The following CNTLN variants were observed in gnomAD, a reference collection of about 807,000 sequenced individuals.
CNTLN encodes centlein.
Under a neutral mutation model 180.0 loss-of-function variants are expected in CNTLN, and 212 were observed. The observed-to-expected ratio is 1.18, with a 90% confidence interval of 1.05 to 1.32. The LOEUF (loss-of-function observed/expected upper bound fraction) is 1.32, where lower values mean the gene tolerates loss of function less well. CNTLN is among the 40% of genes most tolerant of loss of function. The pLI is 0.00. For synonymous variants in CNTLN, 722 were observed against 563.1 expected (o/e 1.28, Z -3.99); for missense variants, 2,095 against 1,610.9 (o/e 1.30, Z -5.14).
At chr9:17,217,897 G>C (rs1045891170) in intron 2 of CNTLN, among the ~76,000 whole-genome samples, 8 of 152,096 alleles carry the variant, frequency 5.3e-5, no homozygotes, top group Non-Finnish European at 8.8e-5. Flanking sequence ...TTTAGAAATG[G>C]TGTTGAATGA....
chr9:17,349,927 C>G (rs1281381154), intron 12 of CNTLN, among the ~76,000 whole-genome samples: 1 of 152,154 alleles, frequency 6.6e-6, no homozygotes, highest in Non-Finnish European at 1.5e-5. Context: ...ATAGGGGTAT[C>G]TGCCATTTGC....
intron 2 of CNTLN, among the ~76,000 whole-genome samples, chr9:17,150,900 C>T: frequency 6.6e-6 from 1 of 152,114 alleles, no homozygotes; most frequent in East Asian, 1.9e-4. Context: ...GTATTTTATT[C>T]TCTTAGTAGC....
intron 5 of CNTLN, among the ~76,000 whole-genome samples, chr9:17,267,586 A>C (rs1190836653): frequency 6.7e-6 from 1 of 149,574 alleles, no homozygotes; most frequent in East Asian, 1.9e-4. Context: ...ATGTTGGCCA[A>C]ACTTGCTAGA....
intron 23 of CNTLN, among the ~76,000 whole-genome samples, chr9:17,476,260 C>A (rs1384756324): frequency 6.6e-6 from 1 of 152,172 alleles, no homozygotes; most frequent in Non-Finnish European, 1.5e-5. Flanking sequence ...TTCCGCCCAA[C>A]TGTCTTTTCC....
rs527695795 is a variant in CNTLN at position 17,433,749 on chromosome 9, T to A, written c.3114+17560T>A. On this transcript the variant is annotated intron_variant, in intron 18 of 25. Transcript: ENST00000380647. ...TGTGTGTCACCATGCCCAACTATTT[T>A]AAAAAATTTTTTGTAGAGATGGGAT... Among the ~76,000 whole-genome samples, 15 of 152,238 alleles carry A rather than the reference T, an allele frequency of 9.9e-5. No homozygotes were observed. In the East Asian group the frequency reaches 1.7e-3, roughly 18 times the overall value.
chr9:17,173,841 A>T (rs1247293729), intron 2 of CNTLN, among the ~76,000 whole-genome samples: 1 of 152,218 alleles, frequency 6.6e-6, no homozygotes, highest in Non-Finnish European at 1.5e-5. Flanking sequence ...GAGATTTGGC[A>T]TATGCTTGAA....
intron 6 of CNTLN, among the ~76,000 whole-genome samples, 182 bp downstream of exon 6, chr9:17,274,048 G>GT (rs1828127159): frequency 6.6e-6 from 1 of 152,104 alleles, no homozygotes; most frequent in Admixed American, 6.5e-5. Flanking sequence ...GGAAGAATGA[G>GT]TGGGTCTACA....
At chr9:17,261,535 C>T (rs1348898242) in intron 5 of CNTLN, among the ~76,000 whole-genome samples, 1 of 151,370 alleles carries the variant, frequency 6.6e-6, no homozygotes, top group African/African-American at 2.4e-5. Flanking sequence ...TATCCTGAAA[C>T]TTTACTGAAA....
chr9:17,251,901 C>T (rs1176816620), intron 5 of CNTLN, among the ~76,000 whole-genome samples: 1 of 151,744 alleles, frequency 6.6e-6, no homozygotes, highest in Non-Finnish European at 1.5e-5. Flanking sequence ...TCCCACTTTC[C>T]CTTCCTAGTA....
Position 17,463,014 on chromosome 9 carries a change from G to GATATCTCGAATGGAGAGGGATA in CNTLN, c.3404+1_3404+2insATATCTCGAATGGAGAGGGATA. 6.4e-7 allele frequency: 1 copy of GATATCTCGAATGGAGAGGGATA among 1,557,576 alleles called. No individual in the cohort carries two copies. Among genetic ancestry groups the GATATCTCGAATGGAGAGGGATA allele is most frequent in the Non-Finnish European group, 8.7e-7 (1 of 1,148,780 alleles). The stretch of plus-strand genomic sequence containing the variant: ...AACACATAAAGGAAATGCATGAAAA[G>GATATCTCGAATGGAGAGGGATA]TATGGTTTTTGTATTTCTATCCATT... On this transcript the variant is annotated splice_donor_variant, in intron 20 of 25. Transcript: ENST00000380647. LOFTEE classifies it high-confidence loss of function.
At chr9:17,226,333 G>A in intron 3 of CNTLN, 46 bp downstream of exon 3, 1 of 1,040,038 alleles carries the variant, frequency 9.6e-7, no homozygotes, top group Non-Finnish European at 1.4e-6. Flanking sequence ...ATTTGTTTTG[G>A]GTAGTAGATC....
chr9:17,429,559 G>C (rs1829290965), intron 18 of CNTLN, among the ~76,000 whole-genome samples: 1 of 151,938 alleles, frequency 6.6e-6, no homozygotes, highest in Admixed American at 6.5e-5. Flanking sequence ...CTTTAAATTT[G>C]CAAAGAATTT....
In CNTLN at chr9:17,271,074, C is replaced by T. The variant is rs182577627; in HGVS notation, c.850-2659C>T. On this transcript the variant is annotated intron_variant, in intron 5 of 25. Coordinates refer to ENST00000380647, the MANE Select transcript of CNTLN (RefSeq NM_017738.4). ...CACACCATTCTCCTGCCTCAGCCTC[C>T]GGAGTAGCTGGGACTACAGGCACCC... Among the ~76,000 whole-genome samples, 271 of 151,612 alleles carry T rather than the reference C, an allele frequency of 1.8e-3. 5 individuals carry two copies. The East Asian group carries it at 0.041, about 23-fold the overall frequency.
chr9:17,458,507 G>A (rs909303332), intron 19 of CNTLN, among the ~76,000 whole-genome samples: 2 of 151,984 alleles, frequency 1.3e-5, no homozygotes, highest in Non-Finnish European at 2.9e-5. Context: ...AATGCACAGA[G>A]TACATTAGAA....
intron 23 of CNTLN, among the ~76,000 whole-genome samples, chr9:17,475,166 T>C (rs1262979688): frequency 6.6e-6 from 1 of 152,168 alleles, no homozygotes; most frequent in African/African-American, 2.4e-5. Context: ...ACTTGAGGTC[T>C]CTTTGCCCTG....
intron 2 of CNTLN, among the ~76,000 whole-genome samples, chr9:17,200,415 A>G (rs1243024317): frequency 6.6e-6 from 1 of 152,108 alleles, no homozygotes; most frequent in Non-Finnish European, 1.5e-5. Context: ...GAATCTGTAA[A>G]TTACTTTGGG....
chr9:17,321,589 T>A lies in CNTLN; in HGVS notation c.1342-9043T>A, dbSNP rs149183629. On this transcript the variant is annotated intron_variant, in intron 8 of 25. Coordinates refer to ENST00000380647, the MANE Select transcript of CNTLN (RefSeq NM_017738.4). ...ATCTAATTGTGACGTGGAGAAAAAA[T>A]GTCAGTAGTAGTTAGCTTTATTTTC... is the stretch of plus-strand genomic sequence containing the variant. Among the ~76,000 whole-genome samples, 18 of 152,222 alleles carry A rather than the reference T, an allele frequency of 1.2e-4. No homozygotes were observed. The East Asian group carries it at 2.7e-3, about 23-fold the overall frequency.
intron 18 of CNTLN, among the ~76,000 whole-genome samples, chr9:17,444,032 A>G (rs572276449): frequency 6.6e-6 from 1 of 152,344 alleles, no homozygotes; most frequent in Admixed American, 6.5e-5. Flanking sequence ...TATTAACAAG[A>G]CTGTCTTGAT....
At chr9:17,329,852 C>G (rs1820530405) in intron 8 of CNTLN, among the ~76,000 whole-genome samples, 3 of 151,144 alleles carry the variant, frequency 2.0e-5, no homozygotes, top group African/African-American at 7.3e-5. Context: ...TAAGATTTGA[C>G]ATTTGTTTGC....
Sources: gnomAD v4.1 joint callset for allele counts (sites outside exome capture counted in the v4.1 genomes callset) on GRCh38, gnomAD v4.1.1 for gene constraint, MANE v1.5 for transcripts, NCBI Gene and HGNC (gene_info 2026-07-23, HGNC 2026-07-21) for gene names.